RBL1: variants seen among roughly 807,000 people sequenced by gnomAD.
The protein encoded by RBL1 is RB transcriptional corepressor like 1, also known as retinoblastoma-like protein 1.
Under a neutral mutation model 123.0 loss-of-function variants are expected in RBL1, and 82 were observed. The ratio of observed to expected loss-of-function variants is 0.67; its 90% CI spans 0.56 to 0.80. The LOEUF is 0.80. Among genes scored for constraint, RBL1 ranks in the 30% least tolerant of loss-of-function variants. RBL1 has a pLI of 0.00. For synonymous variants in RBL1, 405 were observed against 441.3 expected (o/e 0.92, Z 1.03); for missense variants, 1,171 against 1,299.6 (o/e 0.90, Z 1.52).
In RBL1 at chr20:37,035,522, A is replaced by G. The variant is rs1364316210; in HGVS notation, c.1904-14T>C. On this transcript the variant is annotated splice_polypyrimidine_tract_variant and intron_variant, in intron 14 of 21. Coordinates refer to ENST00000373664, the MANE Select transcript of RBL1 (RefSeq NM_002895.5). The stretch of plus-strand genomic sequence containing the variant: ...ATGGTTGCATATCTAAAAAAAAATA[A>G]TAAATTTAAAACAGAAATGTATTCC... 1.3e-6 allele frequency: 2 copies of G among 1,524,230 alleles called. No homozygotes were observed. The highest frequency in any genetic ancestry group is 1.3e-5 in the South Asian group (1 of 79,430). The allele number at this position is 1,524,230 out of a possible 1,614,324, so 94.4% of individuals were successfully genotyped here. A position where few individuals can be genotyped will look rare whatever the true frequency, so the allele number is the denominator to read the frequency against.
chr20:36,999,058 T>TTAA, intron 21 of RBL1, 129 bp from the exon 22 acceptor site: 1 of 860,034 alleles, frequency 1.2e-6, no homozygotes, highest in Non-Finnish European at 1.7e-6. Flanking sequence ...AAGGACTCTT[T>TTAA]TTAAAACTTA....
intron 19 of RBL1, among the ~76,000 whole-genome samples, chr20:37,015,443 T>G (rs1328054925): frequency 6.6e-6 from 1 of 151,986 alleles, no homozygotes; most frequent in East Asian, 1.9e-4. Context: ...GTTGTTTTTT[T>G]TTTTTGAGAT....
At chr20:37,089,795 G>A (rs1019882410) in intron 1 of RBL1, among the ~76,000 whole-genome samples, 1 of 152,130 alleles carries the variant, frequency 6.6e-6, no homozygotes, top group Admixed American at 6.6e-5. Context: ...TGCCAGGCGC[G>A]GTGGCTCATG....
In RBL1 at chr20:37,058,981, G is replaced by A. The variant is rs1013949323; in HGVS notation, c.1250+2122C>T. On this transcript the variant is annotated intron_variant, in intron 9 of 21. Transcript: ENST00000373664. The stretch of plus-strand genomic sequence containing the variant: ...ACTCCTGGGCTCAACTGATCCTCTC[G>A]CCTCAGCCTCCCAAAGTGCTGCAAT... Among the ~76,000 whole-genome samples the A allele has an allele frequency of 3.3e-5, 5 of 152,060 alleles. 1 individual carries two copies. The highest frequency in any genetic ancestry group is 7.2e-5 in the African/African-American group (3 of 41,506).
chr20:37,093,883 T>C (rs1249708652), intron 1 of RBL1, among the ~76,000 whole-genome samples: 2 of 151,996 alleles, frequency 1.3e-5, no homozygotes, highest in African/African-American at 4.8e-5. Context: ...TAAGGTGATC[T>C]GCCCACCTCA....
chr20:37,079,107 G>GCTAC (rs756903522), intron 2 of RBL1, among the ~76,000 whole-genome samples: 35 of 151,514 alleles, frequency 2.3e-4, no homozygotes, highest in Admixed American at 9.2e-4. Flanking sequence ...GGGAGGGTGA[G>GCTAC]GTGGGAGGAC....
chr20:37,055,700 T>C (rs1568863204), intron 10 of RBL1, 44 bp from the exon 11 acceptor site: 1 of 1,553,826 alleles, frequency 6.4e-7, no homozygotes, highest in Non-Finnish European at 8.7e-7. Context: ...TGAATTTTAG[T>C]TGTTAAGGAC....
intron 9 of RBL1, among the ~76,000 whole-genome samples, chr20:37,060,401 G>C (rs1051736897): frequency 6.6e-6 from 1 of 152,098 alleles, no homozygotes; most frequent in African/African-American, 2.4e-5. Flanking sequence ...AGTTATAAGA[G>C]TGAAATATCA....
At chr20:37,069,518 T>A (rs1053153396) in intron 2 of RBL1, among the ~76,000 whole-genome samples, 21 of 151,130 alleles carry the variant, frequency 1.4e-4, no homozygotes, top group African/African-American at 5.1e-4. Context: ...GGAGCACCTC[T>A]GCCCGGCTGC....
At chr20:37,060,991 C>A in intron 9 of RBL1, 112 bp downstream of exon 9, 1 of 1,187,390 alleles carries the variant, frequency 8.4e-7, no homozygotes, top group Non-Finnish European at 1.1e-6. Flanking sequence ...TATAGTAAAA[C>A]TTGCCAGATG....
chr20:37,095,304 G>C (rs972671810), intron 1 of RBL1, among the ~76,000 whole-genome samples: 1 of 152,136 alleles, frequency 6.6e-6, no homozygotes, highest in Non-Finnish European at 1.5e-5. Context: ...CTCTAACCGT[G>C]TGACCTTGGG....
intron 2 of RBL1, among the ~76,000 whole-genome samples, chr20:37,082,215 C>T (rs983891865): frequency 6.6e-6 from 1 of 152,142 alleles, no homozygotes; most frequent in Admixed American, 6.5e-5. Flanking sequence ...AGCCATCCCC[C>T]CTGCTGGTGA....
At chr20:37,018,030 C>T (rs111256827) in intron 19 of RBL1, among the ~76,000 whole-genome samples, 16 of 152,254 alleles carry the variant, frequency 1.1e-4, no homozygotes, top group African/African-American at 3.1e-4. Flanking sequence ...GTCTCTTTTA[C>T]GTGTTTCATT....
At chr20:37,018,695 T>C (rs1283064244) in intron 18 of RBL1, among the ~76,000 whole-genome samples, 1 of 152,202 alleles carries the variant, frequency 6.6e-6, no homozygotes, top group Non-Finnish European at 1.5e-5. Flanking sequence ...CTCACACCTG[T>C]AATCCCAGCA....
chr20:37,054,621 G>C (rs1236552036), intron 11 of RBL1, among the ~76,000 whole-genome samples: 1 of 152,042 alleles, frequency 6.6e-6, no homozygotes, highest in African/African-American at 2.4e-5. Context: ...CTTGAGGTCA[G>C]GAGCTCGAGA....
Position 37,067,781 on chromosome 20 carries a change from A to C in RBL1, c.491+205T>G, listed in dbSNP as rs1322307387. ...TGAGACTCCTCAAAAAAAAAAAAAA[A>C]AAAAAAAAAACAACAACAGAAAGAA... On this transcript the variant is annotated intron_variant, in intron 3 of 21. Transcript: ENST00000373664. Among the ~76,000 whole-genome samples the C allele has an allele frequency of 1.7e-3, 230 of 133,660 alleles. 1 individual carries two copies. Among genetic ancestry groups the C allele is most frequent in the Non-Finnish European group, 2.7e-3 (167 of 61,680 alleles). The allele number at this position is 133,660 out of a possible 152,430, so 87.7% of individuals were successfully genotyped here. A position where few individuals can be genotyped will look rare whatever the true frequency, so the allele number is the denominator to read the frequency against.
At chr20:36,998,998 A>T in intron 21 of RBL1, 69 bp from the exon 22 acceptor site, 1 of 1,462,996 alleles carries the variant, frequency 6.8e-7, no homozygotes, top group Non-Finnish European at 9.4e-7. Flanking sequence ...CAACCAAGCT[A>T]ATTGTTTTTT....
At chr20:37,089,423 C>T (rs748840326) in intron 1 of RBL1, among the ~76,000 whole-genome samples, 12 of 151,494 alleles carry the variant, frequency 7.9e-5, no homozygotes, top group Non-Finnish European at 1.5e-4. Flanking sequence ...GGCTGAGGTG[C>T]GAGTATCACT....
At chr20:37,046,964 C>G (rs1054486528) in intron 12 of RBL1, 89 bp downstream of exon 12, 1 of 1,437,994 alleles carries the variant, frequency 7.0e-7, no homozygotes, top group African/African-American at 1.5e-5. Flanking sequence ...GATATCACAA[C>G]AGTGTTTTTC....
Sources: gnomAD v4.1 joint callset for allele counts (sites outside exome capture counted in the v4.1 genomes callset) on GRCh38, gnomAD v4.1.1 for gene constraint, MANE v1.5 for transcripts, NCBI Gene and HGNC (gene_info 2026-07-23, HGNC 2026-07-21) for gene names.